Variants in HAP1 observed in about 807,000 individuals in gnomAD.
HAP1 encodes huntingtin-associated protein 1.
In HAP1, 59 loss-of-function variants were observed where a neutral mutation model predicts 60.3. The observed-to-expected ratio is 0.98, with a 90% CI of 0.79 to 1.22. The LOEUF (loss-of-function observed/expected upper bound fraction) is 1.22. Among genes scored for constraint, HAP1 ranks in the 50% most tolerant of loss-of-function variants. The pLI is 0.00. For missense variants in HAP1, 825 were observed against 785.3 expected, an observed-to-expected ratio of 1.05 and a Z score of -0.60; for synonymous variants, 346 against 330.6, an observed-to-expected ratio of 1.05 and a Z score of -0.50.
chr17:41,723,275 C>T lies in HAP1; in HGVS notation c.*1426G>A, dbSNP rs569108260. 1 of 152,500 alleles carries T rather than the reference C, an allele frequency of 6.6e-6. No homozygotes were observed. The highest frequency in any genetic ancestry group is 2.4e-5 in the African/African-American group (1 of 41,408). 9.4% of individuals were successfully genotyped at this position (152,500 alleles called of 1,614,324 possible). ...AGCTGCAGAGCGAGGGCCGGGGTTC[C>T]TACCGCCTGTCCCTGAAGACGTTGG... On this transcript the variant is annotated 3_prime_UTR_variant, in exon 11 of 11. Coordinates refer to ENST00000347901, the MANE Select transcript of HAP1 (RefSeq NM_177977.3).
rs782673099 is a variant in HAP1 at position 41,728,218 on chromosome 17, G to A, written c.1183C>T (p.Gln395Ter). 3.7e-6 allele frequency: 6 copies of A among 1,612,458 alleles called. No individual in the cohort carries two copies. In the East Asian group the frequency reaches 8.9e-5, roughly 24 times the overall value. ...CGACTCACCATCCGGCAGCGCTGCT[G>A]CAGCTTCAGCACCTGGGCCTGCAGC... ...ARLQAQVLKL[Q>*]QRCRMYGAET... is the part of the protein sequence containing the mutation. Residue 395 changes from glutamine to a stop codon, truncating the protein, a stop_gained, in exon 7 of 11, where the codon CAG becomes TAG. Coordinates refer to ENST00000347901, the MANE Select transcript of HAP1 (RefSeq NM_177977.3). LOFTEE classifies it high-confidence loss of function.
intron 6 of HAP1, among the ~76,000 whole-genome samples, chr17:41,729,542 T>C (rs1205812657): frequency 3.6e-5 from 1 of 27,492 alleles, no homozygotes; most frequent in Non-Finnish European, 6.7e-5. Flanking sequence ...AGAGGGAGCC[T>C]CCTTCTCAAA....
In HAP1 at chr17:41,731,918, T is replaced by TG. The variant is rs1194797015; in HGVS notation, c.896+18dup. ...GAGGCTCAGAGAAAGGACTTGCAGGTGCAAAGGCAGGAACTCACAGCTTAG... is the reference window on the plus strand; with the variant it reads ...GAGGCTCAGAGAAAGGACTTGCAGGTGGCAAAGGCAGGAACTCACAGCTTAG... On this transcript the variant is annotated intron_variant, in intron 4 of 10. Transcript: ENST00000347901. The TG allele has an allele frequency of 4.8e-6, 4 of 835,824 alleles. No individual in the cohort carries two copies. The highest frequency in any genetic ancestry group is 8.1e-6 in the Non-Finnish European group (4 of 494,742). 51.8% of individuals were successfully genotyped at this position (835,824 alleles called of 1,614,324 possible).
intron 7 of HAP1, 51 bp from the exon 8 acceptor site, chr17:41,727,887 G>C (rs1555589402): frequency 1.8e-6 from 2 of 1,113,128 alleles, no homozygotes. Context: ...ACCCACTCAG[G>C]GCACCCCCTG....
Position 41,724,512 on chromosome 17 carries a change from G to A in HAP1, c.*189C>T, listed in dbSNP as rs1320251776. 3.4e-6 allele frequency: 2 copies of A among 589,898 alleles called. No individual in the cohort carries two copies. The highest frequency in any genetic ancestry group is 2.1e-5 in the South Asian group (1 of 47,794). The allele number at this position is 589,898 out of a possible 1,614,324, so 36.5% of individuals were successfully genotyped here. ...GCCCTAACCCCCAGCCCAGCCCCCA[G>A]GAGAAAAGTGGATGGAGATCTGGAA... On this transcript the variant is annotated 3_prime_UTR_variant, in exon 11 of 11. Transcript: ENST00000347901.
chr17:41,732,500 G>A, intron 2 of HAP1, 106 bp from the exon 3 acceptor site: 1 of 1,243,922 alleles, frequency 8.0e-7, no homozygotes. Flanking sequence ...AACCCACTGT[G>A]GAACCTGGCT....
In HAP1 at chr17:41,734,591, A is replaced by AGCCGGCTCCCC; in HGVS notation, c.33_43dup (p.Leu15ArgfsTer40). The stretch of plus-strand genomic sequence containing the variant: ...GAGTGCTGCTGGGTCCCCGGGTCCG[A>AGCCGGCTCCCC]GCCGGCTCCCCGCGCAGCACCGGCC... On this transcript the variant is annotated frameshift_variant, in exon 1 of 11. Coordinates refer to ENST00000347901, the MANE Select transcript of HAP1 (RefSeq NM_177977.3). LOFTEE classifies it high-confidence loss of function. 1 of 1,578,846 alleles carries AGCCGGCTCCCC rather than the reference A, an allele frequency of 6.3e-7. No homozygotes were observed. The highest frequency in any genetic ancestry group is 8.6e-7 in the Non-Finnish European group (1 of 1,163,438).
rs371412417 is a variant in HAP1, at chr17:41,725,752, T to G, written c.1406+107A>C. The stretch of plus-strand genomic sequence containing the variant: ...CAGTTCTCAGTTCAGCCAGCCGAGA[T>G]AGCAGGGCCTTCTCCGGAGTTGCAG... On this transcript the variant is annotated intron_variant, in intron 10 of 10. Transcript: ENST00000347901. The G allele has an allele frequency of 3.0e-5, 25 of 844,508 alleles. No individual in the cohort carries two copies. The Middle Eastern group carries it at 1.3e-3, about 43-fold the overall frequency. The allele number at this position is 844,508 out of a possible 1,614,324, so 52.3% of individuals were successfully genotyped here.
rs1555588657 is a variant in HAP1, at chr17:41,725,839, G to C, written c.1406+20C>G. 3 of 1,604,480 alleles carry C rather than the reference G, an allele frequency of 1.9e-6. No individual in the cohort carries two copies. The highest frequency in any genetic ancestry group is 2.6e-6 in the Non-Finnish European group (3 of 1,171,236). The stretch of plus-strand genomic sequence containing the variant: ...CTGAAAGCTGAGGGCAGGTTGTAGG[G>C]GAGCCCCTGGCAGGCTTACCTTAGG... On this transcript the variant is annotated intron_variant, in intron 10 of 10. Transcript: ENST00000347901.
chr17:41,733,305 C>G (rs58187033), intron 1 of HAP1, among the ~76,000 whole-genome samples: 1,696 of 148,164 alleles, frequency 0.011, 27 homozygotes, highest in African/African-American at 0.039. Context: ...CCGCCTCGGC[C>G]TGCCAAAGTG....
chr17:41,734,098 T>A (rs1294976186), intron 1 of HAP1, 68 bp downstream of exon 1: 1 of 1,317,388 alleles, frequency 7.6e-7, no homozygotes, highest in South Asian at 1.5e-5. Context: ...CTGGACCCGA[T>A]GGGGCCACTT....
downstream of HAP1, chr17:41,718,369 T>C (rs73300088): frequency 0.031 from 5,403 of 176,118 alleles, 321 homozygotes; most frequent in African/African-American, 0.12. Flanking sequence ...CCGTGGGAGC[T>C]GAGCCCTGTC....
rs1555588030 is a variant in HAP1, at chr17:41,724,598, A to C, written c.*103T>G. 6 of 787,976 alleles carry C rather than the reference A, an allele frequency of 7.6e-6. No individual in the cohort carries two copies. In the Admixed American group the frequency reaches 1.3e-4, roughly 17 times the overall value. The allele number at this position is 787,976 out of a possible 1,614,324, so 48.8% of individuals were successfully genotyped here. A position where few individuals can be genotyped will look rare whatever the true frequency, so the allele number is the denominator to read the frequency against. On this transcript the variant is annotated 3_prime_UTR_variant, in exon 11 of 11. Transcript: ENST00000347901. ...TACGGTTCCCACTGAAGGGGATCAGAGGTGTCTATGCAAATGATATGCAAA... is the reference window on the plus strand; with the variant it reads ...TACGGTTCCCACTGAAGGGGATCAGCGGTGTCTATGCAAATGATATGCAAA...
intron 1 of HAP1, among the ~76,000 whole-genome samples, chr17:41,733,609 C>G (rs1423154301): frequency 7.2e-5 from 11 of 152,026 alleles, no homozygotes; most frequent in Admixed American, 7.2e-4. Context: ...AGGAGGAAGA[C>G]TTCACCAGAT....
chr17:41,734,460 G>C lies in HAP1; in HGVS notation c.175C>G (p.Gln59Glu). ...RVGSRATSGS[Q>E]FLSEARTGAR... ...CCGGTGCGGGCTTCCGAGAGGAACT[G>C]GGATCCAGAGGTGGCTCGGGATCCT... Residue 59 changes from glutamine (Q) to glutamate (E), a missense_variant, in exon 1 of 11, where the codon CAG becomes GAG. Physicochemically the swap from Gln to Glu is conservative, Grantham distance 29 (BLOSUM62 2). Coordinates refer to ENST00000347901, the MANE Select transcript of HAP1 (RefSeq NM_177977.3). 1 of 1,610,318 alleles carries C rather than the reference G, an allele frequency of 6.2e-7. No individual in the cohort carries two copies. The highest frequency in any genetic ancestry group is 8.5e-7 in the Non-Finnish European group (1 of 1,177,976).
rs1282272038 is a variant in HAP1 at position 41,734,619 on chromosome 17, A to C, written c.16T>G (p.Leu6Val). 23 of 1,541,532 alleles carry C rather than the reference A, an allele frequency of 1.5e-5. No individual in the cohort carries two copies. Among genetic ancestry groups the C allele is most frequent in the East Asian group, 2.3e-5 (1 of 42,948 alleles). ...CGGCTCCCCGCGCAGCACCGGCCCA[A>C]CCTCTTCGGGCGCATCTCGAGTCTG... Reference protein sequence around the residue: MRPKRLGRCCAGSRLG... With the variant: MRPKRVGRCCAGSRLG... The change falls in exon 1 of 11, where the codon TTG becomes GTG. Residue 6 changes from leucine to valine, a missense_variant. Physicochemically the swap from Leu to Val is conservative, Grantham distance 32. Transcript: ENST00000347901.
At position 41,734,252 on chromosome 17, in the gene HAP1, A is replaced by T. The variant is rs782396101; in HGVS notation, c.383T>A (p.Ile128Asn). The change falls in exon 1 of 11, where the codon ATC becomes AAC. Residue 128 changes from isoleucine (I) to asparagine (N), a missense_variant. By Grantham distance (149) the Ile-to-Asn change is moderately radical (BLOSUM62 -3). Transcript: ENST00000347901. ...TGRGTGKAAGIWKTPAAYVGR... is the reference protein window; with the variant it reads ...TGRGTGKAAGNWKTPAAYVGR... The stretch of plus-strand genomic sequence containing the variant: ...AACGTAGGCGGCTGGCGTCTTCCAG[A>T]TGCCCGCTGCCTTTCCAGTCCCCCG... The T allele has an allele frequency of 6.2e-6, 10 of 1,602,488 alleles. No homozygotes were observed. The South Asian group carries it at 1.1e-4, about 18-fold the overall frequency.
chr17:41,724,822 G>A lies in HAP1; in HGVS notation c.1739C>T (p.Ala580Val). 1.2e-6 allele frequency: 2 copies of A among 1,613,062 alleles called. No homozygotes were observed. ...LDMNYVLQQL[A>V]NWQDAHYRRQ... is the part of the protein sequence containing the mutation. The stretch of plus-strand genomic sequence containing the variant: ...CCTGTAATGGGCATCTTGCCAGTTG[G>A]CCAGCTGCTGGAGGACATAATTCAT... The change falls in exon 11 of 11, where the codon GCC (alanine) becomes GTC (valine). Residue 580 changes from alanine (A) to valine (V), a missense_variant. Ala to Val is a moderately conservative substitution (Grantham distance 64). Transcript: ENST00000347901.
Position 41,734,153 on chromosome 17 carries a change from G to T in HAP1, c.469+13C>A. The stretch of plus-strand genomic sequence containing the variant: ...GTCCCCACCCGGTCCAGGACCCCGG[G>T]GGCCCGATTTACCTTCCTCCAGCTC... On this transcript the variant is annotated intron_variant, in intron 1 of 10. Coordinates refer to ENST00000347901, the MANE Select transcript of HAP1 (RefSeq NM_177977.3). 1 of 1,563,100 alleles carries T rather than the reference G, an allele frequency of 6.4e-7. No homozygotes were observed. The highest frequency in any genetic ancestry group is 1.4e-5 in the African/African-American group (1 of 73,844).
Sources: allele counts gnomAD v4.1 joint callset (sites outside exome capture counted in the v4.1 genomes callset), GRCh38; gene constraint gnomAD v4.1.1; transcripts MANE v1.5; gene names NCBI Gene and HGNC (gene_info 2026-07-23, HGNC 2026-07-21).